The following SLC39A1 variants were observed in gnomAD, a reference collection of about 807,000 sequenced individuals.
SLC39A1 encodes the protein zinc transporter ZIP1.
SLC39A1 carries 17 observed loss-of-function variants against 21.4 expected under a neutral mutation model. The observed-to-expected ratio is 0.79, with a 90% CI of 0.54 to 1.19. The LOEUF is 1.19. Among genes scored for constraint, SLC39A1 ranks in the 50% most tolerant of loss-of-function variants. The pLI, the probability that SLC39A1 is intolerant of heterozygous loss-of-function variation, is 0.00. For missense variants in SLC39A1, 343 were observed against 399.8 expected (o/e 0.86, Z 1.21); for synonymous variants, 183 against 185.9 (o/e 0.98, Z 0.13).
upstream of SLC39A1, chr1:153,967,397 G>GGGTTTCCCGGAGCTTTCTCCC (rs1647860516): frequency 6.6e-6 from 1 of 152,258 alleles, no homozygotes. Flanking sequence ...TGGCTGCTCA[G>GGGTTTCCCGGAGCTTTCTCCC]GGTTTCCCGG....
chr1:153,965,574 TC>T (rs796144607), upstream of SLC39A1, among the ~76,000 whole-genome samples: 17 of 152,258 alleles, frequency 1.1e-4, no homozygotes, highest in South Asian at 3.3e-3. Flanking sequence ...TTTCCTTCCT[TC>T]CTTCCTTTCT....
chr1:153,961,362 ATTGT>A (rs1434277593), intron 3 of SLC39A1, among the ~76,000 whole-genome samples: 21 of 152,210 alleles, frequency 1.4e-4, no homozygotes, highest in Admixed American at 1.3e-4. Flanking sequence ...TGCACTGTAG[ATTGT>A]TTAACAGCAT....
Position 153,959,876 on chromosome 1 carries a change from C to T in SLC39A1, c.*222G>A. On this transcript the variant is annotated 3_prime_UTR_variant, in exon 4 of 4. Transcript: ENST00000356205. ...ATGTCCCCTGATATGTCTCTAGCGA[C>T]TTGACCATCTCTTGTTCCTTGGGAC... The T allele has an allele frequency of 1.8e-6, 1 of 554,852 alleles. No individual in the cohort carries two copies. Among genetic ancestry groups the T allele is most frequent in the Non-Finnish European group, 3.3e-6 (1 of 307,484 alleles). The allele number at this position is 554,852 out of a possible 1,614,324, so 34.4% of individuals were successfully genotyped here.
chr1:153,960,689 C>G lies in SLC39A1; in HGVS notation c.384G>C (p.Gln128His). 1 of 1,614,024 alleles carries G rather than the reference C, an allele frequency of 6.2e-7. No homozygotes were observed. The highest frequency in any genetic ancestry group is 1.1e-5 in the South Asian group (1 of 91,086). The change falls in exon 4 of 4, where the codon CAG (glutamine) becomes CAC (histidine). Residue 128 changes from glutamine to histidine, a missense_variant. Physicochemically the swap from Gln to His is conservative, Grantham distance 24. Coordinates refer to ENST00000356205, the MANE Select transcript of SLC39A1 (RefSeq NM_001271958.2). The part of the protein sequence containing the change: ...MGFFLVLVME[Q>H]ITLAYKEQSG... ...ACTGCTCCTTGTAAGCCAGTGTGAT[C>G]TGCTCCATCACCAGGACCAGGAAGA... is the stretch of plus-strand genomic sequence containing the variant.
Position 153,960,516 on chromosome 1 carries a change from G to A in SLC39A1, c.557C>T (p.Ser186Phe). The stretch of plus-strand genomic sequence containing the variant: ...CTCGAACACGGAGTGGAGGGCCAGG[G>A]AGAACACCAGTACACAGGCACGCAA... ...SALRACVLVF[S>F]LALHSVFEGL... The change falls in exon 4 of 4, where the codon TCC becomes TTC. Residue 186 changes from serine (S) to phenylalanine (F), a missense_variant. Transcript: ENST00000356205. 8 of 1,613,474 alleles carry A rather than the reference G, an allele frequency of 5.0e-6. No homozygotes were observed. Among genetic ancestry groups the A allele is most frequent in the Non-Finnish European group, 6.8e-6 (8 of 1,179,784 alleles).
At position 153,960,319 on chromosome 1, in the gene SLC39A1, G is replaced by C. The variant is rs779724294; in HGVS notation, c.754C>G (p.Leu252Val). 6.2e-7 allele frequency: 1 copy of C among 1,614,074 alleles called. No individual in the cohort carries two copies. The highest frequency in any genetic ancestry group is 2.2e-5 in the East Asian group (1 of 44,890). Residue 252 changes from leucine (L) to valine (V), a missense_variant, in exon 4 of 4, where the codon CTA becomes GTA. Leu to Val is a conservative substitution (Grantham distance 32). Transcript: ENST00000356205. The stretch of plus-strand genomic sequence containing the variant: ...AGAGCTGCACCCAGCCCGATGCCTA[G>C]AGGTGTCATGCATGAGAAGAGGATC... ...CGILFSCMTP[L>V]GIGLGAALAE...
Position 153,962,525 on chromosome 1 carries a change from T to G in SLC39A1, c.187+4A>C, listed in dbSNP as rs764367002. 6.2e-7 allele frequency: 1 copy of G among 1,610,534 alleles called. No homozygotes were observed. Among genetic ancestry groups the G allele is most frequent in the Admixed American group, 1.7e-5 (1 of 59,808 alleles). ...TAGCAGTGTGGGGAAAAGGAGAGGC[T>G]TACCTGAGCCTTCATGGTTAGCTCC... On this transcript the variant is annotated splice_donor_region_variant and intron_variant, in intron 2 of 3. Coordinates refer to ENST00000356205, the MANE Select transcript of SLC39A1 (RefSeq NM_001271958.2).
Position 153,960,254 on chromosome 1 carries a change from A to T in SLC39A1, c.819T>A (p.Ser273=). The T allele has an allele frequency of 6.2e-7, 1 of 1,614,150 alleles. No individual in the cohort carries two copies. Among genetic ancestry groups the T allele is most frequent in the Non-Finnish European group, 8.5e-7 (1 of 1,180,040 alleles). Residue 273 remains serine, a synonymous_variant, in exon 4 of 4, where the codon TCT becomes TCA. Transcript: ENST00000356205. ...SAGPLHQLAQ[S]VLEGMAAGTF... The stretch of plus-strand genomic sequence containing the variant: ...TGCCAGCTGCCATGCCCTCTAGCAC[A>T]GACTGGGCCAGCTGGTGCAGAGGTC...
chr1:153,965,132 AAT>A (rs1647707829), upstream of SLC39A1: 1 of 151,266 alleles, frequency 6.6e-6, no homozygotes, highest in Non-Finnish European at 1.5e-5. Context: ...GATGTTTTGA[AAT>A]ATATGTACAT....
intron 3 of SLC39A1, 41 bp from the exon 4 acceptor site, chr1:153,960,795 A>G (rs763867747): frequency 6.4e-7 from 1 of 1,571,368 alleles, no homozygotes; most frequent in East Asian, 2.3e-5. Context: ...GGGAAGGAAG[A>G]GTGAGATGCA....
chr1:153,959,931 C>G lies in SLC39A1; in HGVS notation c.*167G>C. On this transcript the variant is annotated 3_prime_UTR_variant, in exon 4 of 4. Transcript: ENST00000356205. Reference sequence around the variant, plus strand: ...GCCAGCCTCTTGTCTGCCCACTTCCCTCTCATTAGTCAGATAGCCCCAAAG... The same window carrying G: ...GCCAGCCTCTTGTCTGCCCACTTCCGTCTCATTAGTCAGATAGCCCCAAAG... The G allele has an allele frequency of 2.7e-6, 2 of 732,412 alleles. No individual in the cohort carries two copies. Among genetic ancestry groups the G allele is most frequent in the South Asian group, 2.1e-5 (1 of 48,300 alleles). The allele number at this position is 732,412 out of a possible 1,614,324, so 45.4% of individuals were successfully genotyped here. A position where few individuals can be genotyped will look rare whatever the true frequency, so the allele number is the denominator to read the frequency against.
Position 153,960,439 on chromosome 1 carries a change from G to A in SLC39A1, c.634C>T (p.Leu212=), listed in dbSNP as rs202007708. The A allele has an allele frequency of 2.5e-6, 4 of 1,613,958 alleles. No individual in the cohort carries two copies. The highest frequency in any genetic ancestry group is 2.2e-5 in the East Asian group (1 of 44,894). Residue 212 remains leucine (L), a synonymous_variant, in exon 4 of 4, where the codon CTG becomes TTG. Coordinates refer to ENST00000356205, the MANE Select transcript of SLC39A1 (RefSeq NM_001271958.2). ...ATGCCCTTGTGGAGCAGCAAAGCCAGGCACAGCTCCATGGCCCGAGCCCGG... is the reference window on the plus strand; with the variant it reads ...ATGCCCTTGTGGAGCAGCAAAGCCAAGCACAGCTCCATGGCCCGAGCCCGG... The part of the protein sequence containing the change: ...RDRARAMELC[L]ALLLHKGILA...
chr1:153,963,515 T>TG lies in SLC39A1; in HGVS notation c.-54dup, dbSNP rs1647618138. 6.6e-6 allele frequency: 1 copy of TG among 152,426 alleles called. No individual in the cohort carries two copies. Among genetic ancestry groups the TG allele is most frequent in the African/African-American group, 2.4e-5 (1 of 41,456 alleles). 9.4% of individuals were successfully genotyped at this position (152,426 alleles called of 1,614,324 possible). Reference sequence around the variant, plus strand: ...CTCACCTCGCGAGGGTCTCACTACATGGTCTCCGCGCGCTTCCGGCCTAGA... The same window carrying TG: ...CTCACCTCGCGAGGGTCTCACTACATGGGTCTCCGCGCGCTTCCGGCCTAGA... On this transcript the variant is annotated 5_prime_UTR_variant, in exon 1 of 4. Transcript: ENST00000356205.
intron 3 of SLC39A1, among the ~76,000 whole-genome samples, chr1:153,961,566 C>G (rs1647437671): frequency 6.6e-6 from 1 of 152,204 alleles, no homozygotes; most frequent in South Asian, 2.1e-4. Context: ...TCCCCAAATA[C>G]TCATACATAG....
In SLC39A1 at chr1:153,959,263, ATTT is replaced by A. The variant is rs1680824881; in HGVS notation, c.*832_*834del. The stretch of plus-strand genomic sequence containing the variant: ...CTTCCCCCTTGGGCTCCTCGGGTGT[ATTT>A]AAAAAAATGTTTTGGCAGCTCAGTG... On this transcript the variant is annotated 3_prime_UTR_variant, in exon 4 of 4. Coordinates refer to ENST00000356205, the MANE Select transcript of SLC39A1 (RefSeq NM_001271958.2). 1 of 398,842 alleles carries A rather than the reference ATTT, an allele frequency of 2.5e-6. No homozygotes were observed. Among genetic ancestry groups the A allele is most frequent in the Non-Finnish European group, 4.4e-6 (1 of 226,058 alleles). The allele number at this position is 398,842 out of a possible 1,614,324, so 24.7% of individuals were successfully genotyped here. A position where few individuals can be genotyped will look rare whatever the true frequency, so the allele number is the denominator to read the frequency against.
upstream of SLC39A1, chr1:153,967,668 G>A (rs1647889110): frequency 6.6e-6 from 1 of 150,476 alleles, no homozygotes. Flanking sequence ...TAAGAATAAA[G>A]AAAAAAAAAA....
chr1:153,959,802 A>C lies in SLC39A1; in HGVS notation c.*296T>G. 1 of 393,592 alleles carries C rather than the reference A, an allele frequency of 2.5e-6. No individual in the cohort carries two copies. 24.4% of individuals were successfully genotyped at this position (393,592 alleles called of 1,614,324 possible). ...CTCCCATGTGAGCCTGTCCTTATGT[A>C]TAGTGTCCAACCTCTGATTCTAGCA... On this transcript the variant is annotated 3_prime_UTR_variant, in exon 4 of 4. Coordinates refer to ENST00000356205, the MANE Select transcript of SLC39A1 (RefSeq NM_001271958.2).
Position 153,959,974 on chromosome 1 carries a change from C to A in SLC39A1, c.*124G>T. 8.5e-7 allele frequency: 1 copy of A among 1,174,370 alleles called. No individual in the cohort carries two copies. The highest frequency in any genetic ancestry group is 2.4e-5 in the East Asian group (1 of 41,156). The allele number at this position is 1,174,370 out of a possible 1,614,324, so 72.7% of individuals were successfully genotyped here. ...CCCCAAAGGCTCTATCTTTAGCTCCCAGAGAACTTTTTGGTCCTCAGTATT... is the reference window on the plus strand; with the variant it reads ...CCCCAAAGGCTCTATCTTTAGCTCCAAGAGAACTTTTTGGTCCTCAGTATT... On this transcript the variant is annotated 3_prime_UTR_variant, in exon 4 of 4. Coordinates refer to ENST00000356205, the MANE Select transcript of SLC39A1 (RefSeq NM_001271958.2).
chr1:153,961,791 C>G (rs1051037798), intron 3 of SLC39A1, among the ~76,000 whole-genome samples: 1 of 152,198 alleles, frequency 6.6e-6, no homozygotes, highest in African/African-American at 2.4e-5. Context: ...GATCATTCCT[C>G]ACAGCCCACT....
Sources: allele counts gnomAD v4.1 joint callset (sites outside exome capture counted in the v4.1 genomes callset), GRCh38; gene constraint gnomAD v4.1.1; transcripts MANE v1.5; gene names NCBI Gene and HGNC (gene_info 2026-07-23, HGNC 2026-07-21).